The following NIN variants were observed in gnomAD, a reference collection of about 807,000 sequenced individuals.
NIN encodes glycogen synthase kinase 3 beta-interacting protein.
In NIN, 137 loss-of-function variants were observed where a neutral mutation model predicts 257.6. That is an observed-to-expected ratio of 0.53 (90% CI 0.46 to 0.61). The LOEUF is 0.61. NIN is among the 20% of genes least tolerant of loss of function. The pLI is 0.00. For synonymous variants in NIN, 918 were observed against 919.8 expected, an observed-to-expected ratio of 1.00 and a Z score of 0.04; for missense variants, 2,439 against 2,501.2, an observed-to-expected ratio of 0.98 and a Z score of 0.53.
At chr14:50,802,488 G>C (rs930546852) in intron 4 of NIN, among the ~76,000 whole-genome samples, 3 of 152,144 alleles carry the variant, frequency 2.0e-5, no homozygotes, top group African/African-American at 2.4e-5. Flanking sequence ...TCCCATGAGA[G>C]CTTTGTTTTT....
In NIN at chr14:50,741,630, T is replaced by C. The variant is rs1180895025; in HGVS notation, c.5400A>G (p.Lys1800=). 2 of 1,614,028 alleles carry C rather than the reference T, an allele frequency of 1.2e-6. No homozygotes were observed. Among genetic ancestry groups the C allele is most frequent in the Non-Finnish European group, 1.7e-6 (2 of 1,180,010 alleles). The stretch of plus-strand genomic sequence containing the variant: ...GCTTATGTAAAGACATCACTTCTTG[T>C]TTTAAAGCCTCCTTTTCCTGCTGAG... ...RVTQQEKEAL[K]QEVMSLHKQL... is the part of the protein sequence containing the mutation. The change falls in exon 25 of 31, where the codon AAA becomes AAG. Residue 1800 remains lysine, a synonymous_variant. Coordinates refer to ENST00000530997, the MANE Select transcript of NIN (RefSeq NM_020921.4).
At chr14:50,732,555 C>T (rs759494036) in intron 28 of NIN, among the ~76,000 whole-genome samples, 2 of 152,052 alleles carry the variant, frequency 1.3e-5, no homozygotes, top group African/African-American at 4.8e-5. Context: ...TTAATGAATG[C>T]CACTGAATTG....
At chr14:50,763,695 A>C in intron 15 of NIN, 131 bp downstream of exon 15, 2 of 743,962 alleles carry the variant, frequency 2.7e-6, no homozygotes, top group Non-Finnish European at 4.2e-6. Flanking sequence ...CAGCTCAAGA[A>C]AAGAGTATGG....
At chr14:50,760,775 C>T (rs891782262) in intron 16 of NIN, among the ~76,000 whole-genome samples, 34 of 152,242 alleles carry the variant, frequency 2.2e-4, no homozygotes, top group African/African-American at 8.2e-4. Flanking sequence ...TGGGCTCAAG[C>T]AATCCTCCCA....
Position 50,748,177 on chromosome 14 carries a change from A to G in NIN, c.4951-72T>C, listed in dbSNP as rs968386590. On this transcript the variant is annotated intron_variant, in intron 21 of 30. Transcript: ENST00000530997. ...CTGGGGAAACTTACCAGGTTCATAAAAGGCCATATTAAGGAAACAGTAATA... is the reference window on the plus strand; with the variant it reads ...CTGGGGAAACTTACCAGGTTCATAAGAGGCCATATTAAGGAAACAGTAATA... 4.1e-5 allele frequency: 38 copies of G among 936,540 alleles called. No homozygotes were observed. The African/African-American group carries it at 4.6e-4, about 11-fold the overall frequency. 58.0% of individuals were successfully genotyped at this position (936,540 alleles called of 1,614,324 possible).
rs187074285 is a variant in NIN, at chr14:50,728,465, G to A, written c.6078+1058C>T. 3.1e-4 allele frequency among the ~76,000 whole-genome samples: 47 copies of A among 152,294 alleles called. 1 individual carries two copies. Among genetic ancestry groups the A allele is most frequent in the Admixed American group, 2.4e-3 (36 of 15,298 alleles). ...AACTGACAAGTGGTAGGAGTACTTC[G>A]TAATTAAACATAGATGGATAGTAGA... On this transcript the variant is annotated intron_variant, in intron 29 of 30. Coordinates refer to ENST00000530997, the MANE Select transcript of NIN (RefSeq NM_020921.4).
chr14:50,812,789 A>G (rs570441035), intron 3 of NIN, among the ~76,000 whole-genome samples: 3 of 152,240 alleles, frequency 2.0e-5, no homozygotes, highest in Non-Finnish European at 4.4e-5. Context: ...ATTTTAGATG[A>G]AAAGGGGCTC....
chr14:50,791,817 ACAC>A lies in NIN; in HGVS notation c.435+892_435+894del, dbSNP rs2043608136. 2.0e-5 allele frequency among the ~76,000 whole-genome samples: 3 copies of A among 152,224 alleles called. No homozygotes were observed. The East Asian group carries it at 5.8e-4, about 29-fold the overall frequency. On this transcript the variant is annotated intron_variant, in intron 5 of 30. Transcript: ENST00000530997. Reference sequence around the variant, plus strand: ...CACACAGGTGCACGCGCACACACACACACACACACACACACACACACAGAGTCC... The same window carrying A: ...CACACAGGTGCACGCGCACACACACAACACACACACACACACACAGAGTCC...
In NIN at chr14:50,758,277, T is replaced by A. The variant is rs977446414; in HGVS notation, c.2753A>T (p.Asp918Val). Residue 918 changes from aspartate (D) to valine (V), a missense_variant, in exon 18 of 31, where the codon GAC (aspartate) becomes GTC (valine). By Grantham distance (152) the Asp-to-Val change is radical. Around this residue, in one of 3 missense-constraint regions of NIN, gnomAD observed 2,043 missense variants for 2,050.2 expected, o/e 1.00. Transcript: ENST00000530997. ...AGATACATTTCTTAGGTCTTCCAGG[T>A]CTTGGAGTAGCTGCTGTCTCTCGAC... Reference protein sequence around the residue: ...MVVERQQLLQDLEDLRNVSET... With the variant: ...MVVERQQLLQVLEDLRNVSET... 5.0e-6 allele frequency: 8 copies of A among 1,614,220 alleles called. No individual in the cohort carries two copies. The highest frequency in any genetic ancestry group is 6.8e-6 in the Non-Finnish European group (8 of 1,180,036).
At position 50,766,127 on chromosome 14, in the gene NIN, G is replaced by A. The variant is rs149241019; in HGVS notation, c.1635+180C>T. 8.6e-5 allele frequency among the ~76,000 whole-genome samples: 13 copies of A among 151,992 alleles called. No individual in the cohort carries two copies. The East Asian group carries it at 2.5e-3, about 29-fold the overall frequency. On this transcript the variant is annotated intron_variant, in intron 14 of 30. Transcript: ENST00000530997. ...TCTAAGCACTTTACATATACTCACT[G>A]ATGGAATTTTTGCTACAACATTTTG...
chr14:50,728,414 C>CAT (rs2040521149), intron 29 of NIN, among the ~76,000 whole-genome samples: 1 of 152,120 alleles, frequency 6.6e-6, no homozygotes, highest in Non-Finnish European at 1.5e-5. Flanking sequence ...AGCATAGGTA[C>CAT]ATATGTAGAG....
chr14:50,765,323 T>C (rs923304203), intron 14 of NIN, among the ~76,000 whole-genome samples: 2 of 152,100 alleles, frequency 1.3e-5, no homozygotes, highest in South Asian at 4.1e-4. Context: ...ATTCATTAAA[T>C]GTAAAGACAT....
intron 12 of NIN, among the ~76,000 whole-genome samples, chr14:50,767,262 T>C (rs1314043642): frequency 6.6e-6 from 1 of 152,212 alleles, no homozygotes; most frequent in Non-Finnish European, 1.5e-5. Context: ...ATACTGATAA[T>C]GTGTCAAAAT....
At chr14:50,737,403 T>G (rs1159903823) in intron 27 of NIN, among the ~76,000 whole-genome samples, 2 of 147,166 alleles carry the variant, frequency 1.4e-5, no homozygotes, top group Admixed American at 7.1e-5. Flanking sequence ...TGCATCCTCA[T>G]GAGAGCCCTG....
Position 50,776,751 on chromosome 14 carries a change from G to A in NIN, c.666+198C>T, listed in dbSNP as rs143816372. Reference sequence around the variant, plus strand: ...CAGTGAGCTTACAATAGCTGGGTAAGTGTCAGCTCTTGTCAGTTTTTCTTT... The same window carrying A: ...CAGTGAGCTTACAATAGCTGGGTAAATGTCAGCTCTTGTCAGTTTTTCTTT... On this transcript the variant is annotated intron_variant, in intron 7 of 30. Coordinates refer to ENST00000530997, the MANE Select transcript of NIN (RefSeq NM_020921.4). Among the ~76,000 whole-genome samples the A allele has an allele frequency of 8.5e-3, 1,301 of 152,314 alleles. 20 individuals carry two copies. Among genetic ancestry groups the A allele is most frequent in the African/African-American group, 0.03 (1,230 of 41,546 alleles).
intron 17 of NIN, 138 bp from the exon 18 acceptor site, chr14:50,758,768 A>C: frequency 1.4e-6 from 1 of 700,558 alleles, no homozygotes; most frequent in Non-Finnish European, 2.2e-6. Context: ...ACTTACTCCT[A>C]TGTGATTCAT....
At chr14:50,735,486 A>G in intron 28 of NIN, 30 bp downstream of exon 28, 1 of 1,608,270 alleles carries the variant, frequency 6.2e-7, no homozygotes, top group Non-Finnish European at 8.5e-7. Context: ...CATATTCTTC[A>G]TAGCTAAGGC....
intron 13 of NIN, 29 bp downstream of exon 13, chr14:50,766,751 A>G (rs750745060): frequency 5.4e-6 from 8 of 1,473,230 alleles, no homozygotes; most frequent in Middle Eastern, 1.7e-4. Context: ...TAGGCTGCCT[A>G]TCAGGAAATG....
chr14:50,755,614 G>A (rs965288325), intron 18 of NIN, among the ~76,000 whole-genome samples: 7 of 121,370 alleles, frequency 5.8e-5, no homozygotes, highest in Non-Finnish European at 1.2e-4. Flanking sequence ...CAAATTATAT[G>A]TTCTAAGATA....
Sources: gnomAD v4.1 joint callset for allele counts (sites outside exome capture counted in the v4.1 genomes callset) on GRCh38, gnomAD v4.1.1 for gene constraint, gnomAD v4.1.1 regional missense constraint, MANE v1.5 for transcripts, NCBI Gene and HGNC (gene_info 2026-07-23, HGNC 2026-07-21) for gene names.